Variants in ZNF710 observed in about 807,000 individuals in gnomAD.
ZNF710 encodes zinc finger protein 710.
Under a neutral mutation model 50.6 loss-of-function variants are expected in ZNF710, and 13 were observed. That is an observed-to-expected ratio of 0.26 (90% confidence interval 0.17 to 0.41). The LOEUF (loss-of-function observed/expected upper bound fraction) is 0.41, where lower values mean the gene tolerates loss of function less well. ZNF710 is among the 10% of genes least tolerant of loss of function. ZNF710 has a pLI of 1.00. For missense variants in ZNF710, 721 were observed against 936.6 expected (o/e 0.77, Z 3.01); for synonymous variants, 383 against 397.0 (o/e 0.96, Z 0.42).
intron 1 of ZNF710, among the ~76,000 whole-genome samples, chr15:90,041,892 ATTTTTTTTT>A (rs71151548): frequency 1.8e-5 from 2 of 110,600 alleles, no homozygotes; most frequent in African/African-American, 3.5e-5. Flanking sequence ...TTTGTTTTTG[ATTTTTTTTT>A]TTTTTTTTTT....
At chr15:90,000,823 G>A (rs548768632), upstream of ZNF710, among the ~76,000 whole-genome samples, 2 of 152,118 alleles carry the variant, frequency 1.3e-5, no homozygotes, top group Non-Finnish European at 2.9e-5. Flanking sequence ...CACCCGCACC[G>A]GCTCTCCTCT....
intron 1 of ZNF710, among the ~76,000 whole-genome samples, chr15:90,030,474 CCTT>C (rs1005079174): frequency 5.3e-5 from 8 of 152,006 alleles, no homozygotes; most frequent in African/African-American, 1.9e-4. Context: ...AAATCGTAAG[CCTT>C]CTGGGCTTTC....
At chr15:90,028,011 C>G (rs951756801) in intron 1 of ZNF710, among the ~76,000 whole-genome samples, 1 of 152,088 alleles carries the variant, frequency 6.6e-6, no homozygotes, top group African/African-American at 2.4e-5. Context: ...TTTGTTGACT[C>G]TATTGAATTA....
At chr15:90,020,155 T>G (rs1199650243) in intron 1 of ZNF710, among the ~76,000 whole-genome samples, 1 of 152,246 alleles carries the variant, frequency 6.6e-6, no homozygotes, top group Non-Finnish European at 1.5e-5. Flanking sequence ...CGGACCTTCC[T>G]GTTCCCACTG....
Position 90,057,937 on chromosome 15 carries a change from A to C in ZNF710, c.-28-9173A>C, listed in dbSNP as rs75654837. 8.8e-3 allele frequency among the ~76,000 whole-genome samples: 1,340 copies of C among 152,246 alleles called. 15 individuals are homozygous for C. Among genetic ancestry groups the C allele is most frequent in the African/African-American group, 0.03 (1,237 of 41,528 alleles). ...ACATCAAAATAGTTCATGCCTCGAC[A>C]TGGGGGCTTCACCCCTCATATCCTT... On this transcript the variant is annotated intron_variant, in intron 1 of 4. Transcript: ENST00000268154.
At chr15:90,020,790 CCT>C (rs1397844568) in intron 1 of ZNF710, among the ~76,000 whole-genome samples, 8 of 152,212 alleles carry the variant, frequency 5.3e-5, no homozygotes, top group Non-Finnish European at 1.0e-4. Flanking sequence ...CCCGGTCCTC[CCT>C]CTCCTCCCTG....
At chr15:90,033,555 C>G (rs1399093458) in intron 1 of ZNF710, among the ~76,000 whole-genome samples, 1 of 152,122 alleles carries the variant, frequency 6.6e-6, no homozygotes, top group Non-Finnish European at 1.5e-5. Context: ...TTCCTTTTTC[C>G]TGTTTTTTTA....
chr15:90,025,012 G>A (rs959992131), intron 1 of ZNF710: 4 of 108,350 alleles, frequency 3.7e-5, no homozygotes, highest in African/African-American at 9.6e-5. Context: ...TAGCGTGCAC[G>A]GATGTGTTGC....
chr15:90,053,812 A>G (rs752647397), intron 1 of ZNF710, among the ~76,000 whole-genome samples: 4 of 151,966 alleles, frequency 2.6e-5, no homozygotes, highest in African/African-American at 9.7e-5. Flanking sequence ...AGCCCCCCCA[A>G]CACACACTTC....
intron 1 of ZNF710, among the ~76,000 whole-genome samples, chr15:90,007,123 A>G (rs559004982): frequency 1.3e-5 from 2 of 152,140 alleles, no homozygotes; most frequent in Non-Finnish European, 2.9e-5. Flanking sequence ...ATAATTCCCT[A>G]AAAGTGTGTG....
At position 90,016,164 on chromosome 15, in the gene ZNF710, GA is replaced by G. The variant is rs144595726; in HGVS notation, c.-29+14552del. Among the ~76,000 whole-genome samples the G allele has an allele frequency of 2.9e-3, 442 of 152,086 alleles. 3 individuals carry two copies. Among genetic ancestry groups the G allele is most frequent in the African/African-American group, 0.01 (430 of 41,518 alleles). The stretch of plus-strand genomic sequence containing the variant: ...ATACTACCTAATAATTTTTTTTAAA[GA>G]AGGAAAAAAGGATGGGTAGAAAGAA... On this transcript the variant is annotated intron_variant, in intron 1 of 4. Transcript: ENST00000268154.
At chr15:90,055,622 A>T (rs966546434) in intron 1 of ZNF710, among the ~76,000 whole-genome samples, 1 of 152,234 alleles carries the variant, frequency 6.6e-6, no homozygotes, top group Non-Finnish European at 1.5e-5. Flanking sequence ...ATGCTAGGGC[A>T]AGGGACAGCT....
chr15:90,014,936 A>G (rs1053444332), intron 1 of ZNF710, among the ~76,000 whole-genome samples: 2 of 142,920 alleles, frequency 1.4e-5, no homozygotes, highest in African/African-American at 5.2e-5. Flanking sequence ...CTTGTTGCCC[A>G]GGCTGAAGTA....
intron 1 of ZNF710, among the ~76,000 whole-genome samples, chr15:90,055,106 A>G (rs1899770732): frequency 1.3e-5 from 2 of 152,222 alleles, no homozygotes; most frequent in African/African-American, 4.8e-5. Context: ...TCTAACTGGG[A>G]TGGTAGCTAT....
intron 1 of ZNF710, among the ~76,000 whole-genome samples, chr15:90,021,687 G>A (rs1432445241): frequency 6.6e-6 from 1 of 152,192 alleles, no homozygotes; most frequent in African/African-American, 2.4e-5. Flanking sequence ...ATTGGATATA[G>A]ACACAAAAGC....
chr15:90,077,936 A>G (rs1900632549), intron 4 of ZNF710, among the ~76,000 whole-genome samples: 1 of 151,808 alleles, frequency 6.6e-6, no homozygotes. Context: ...GGCCAGGCGC[A>G]GTGGCTCACG....
intron 1 of ZNF710, among the ~76,000 whole-genome samples, chr15:90,021,034 G>T (rs1240153337): frequency 6.6e-6 from 1 of 151,138 alleles, no homozygotes; most frequent in Non-Finnish European, 1.5e-5. Context: ...GCAGCCTGGG[G>T]GACGTCAGCT....
chr15:90,027,662 G>A (rs1898818503), intron 1 of ZNF710, among the ~76,000 whole-genome samples: 1 of 151,960 alleles, frequency 6.6e-6, no homozygotes, highest in Non-Finnish European at 1.5e-5. Flanking sequence ...AACCAGCCTG[G>A]CCAACATGGC....
At chr15:90,066,919 G>A (rs1900186314) in intron 1 of ZNF710, among the ~76,000 whole-genome samples, 191 bp from the exon 2 acceptor site, 2 of 152,200 alleles carry the variant, frequency 1.3e-5, no homozygotes, top group Non-Finnish European at 1.5e-5. Flanking sequence ...AGATGGAGGA[G>A]ATGGTCAGAT....
Sources: allele counts gnomAD v4.1 joint callset (sites outside exome capture counted in the v4.1 genomes callset), GRCh38; gene constraint gnomAD v4.1.1; transcripts MANE v1.5; gene names NCBI Gene and HGNC (gene_info 2026-07-23, HGNC 2026-07-21).